The following SBF2 variants were observed in gnomAD, a reference collection of about 807,000 sequenced individuals.
SBF2 encodes SET binding factor 2.
A neutral mutation model predicts 225.2 loss-of-function variants in SBF2; 112 were observed. That is an observed-to-expected ratio of 0.50 (90% CI 0.43 to 0.58). The LOEUF (loss-of-function observed/expected upper bound fraction) is 0.58, where lower values mean the gene tolerates loss of function less well. Among genes scored for constraint, SBF2 ranks in the 20% least tolerant of loss-of-function variants. The pLI, the probability that SBF2 is intolerant of heterozygous loss-of-function variation, is 0.00. For missense variants in SBF2, 1,996 were observed against 2,206.2 expected (o/e 0.90, Z 1.91); for synonymous variants, 763 against 773.3 (o/e 0.99, Z 0.22).
At chr11:9,942,891 A>AAC (rs1554962733) in intron 16 of SBF2, among the ~76,000 whole-genome samples, 1 of 65,432 alleles carries the variant, frequency 1.5e-5, no homozygotes, top group African/African-American at 4.5e-5. Context: ...AAAGAAAAGA[A>AAC]AGAGAGAGAG....
At chr11:10,174,124 A>G (rs200888398) in intron 2 of SBF2, among the ~76,000 whole-genome samples, 41,542 of 150,896 alleles carry the variant, frequency 0.28, 5,937 homozygotes, top group Middle Eastern at 0.35. Flanking sequence ...CCAAAGCAAC[A>G]CAGTTCCTCA....
At chr11:10,230,828 C>G (rs1958809122) in intron 1 of SBF2, among the ~76,000 whole-genome samples, 1 of 152,100 alleles carries the variant, frequency 6.6e-6, no homozygotes, top group African/African-American at 2.4e-5. Flanking sequence ...GTGGCGTTCT[C>G]TGTATTTCCT....
intron 2 of SBF2, among the ~76,000 whole-genome samples, chr11:10,174,608 C>A (rs1956371240): frequency 6.6e-6 from 1 of 152,130 alleles, no homozygotes; most frequent in Non-Finnish European, 1.5e-5. Context: ...TCCAGGAGAA[C>A]TTCCCCAATG....
At chr11:9,913,866 T>C (rs539325881) in intron 16 of SBF2, among the ~76,000 whole-genome samples, 10 of 152,290 alleles carry the variant, frequency 6.6e-5, no homozygotes, top group Admixed American at 3.9e-4. Context: ...TTGGTTGTTG[T>C]TGTTGCTGTT....
intron 9 of SBF2, among the ~76,000 whole-genome samples, chr11:9,995,505 C>G (rs553391357): frequency 6.6e-6 from 1 of 152,258 alleles, no homozygotes; most frequent in South Asian, 2.1e-4. Flanking sequence ...AGTTTAAGTA[C>G]AGTGTTGCCA....
At chr11:9,941,865 CATAGA>C (rs1865271222) in intron 16 of SBF2, among the ~76,000 whole-genome samples, 1 of 151,826 alleles carries the variant, frequency 6.6e-6, no homozygotes. Context: ...TGATTGCCAA[CATAGA>C]AAACAGAAAA....
At chr11:10,189,086 T>C (rs372126609) in intron 2 of SBF2, among the ~76,000 whole-genome samples, 1 of 152,216 alleles carries the variant, frequency 6.6e-6, no homozygotes, top group African/African-American at 2.4e-5. Context: ...CTACAGTATC[T>C]ACCATACATA....
At chr11:10,055,411 G>C (rs1950216714) in intron 2 of SBF2, among the ~76,000 whole-genome samples, 2 of 151,914 alleles carry the variant, frequency 1.3e-5, no homozygotes, top group South Asian at 2.1e-4. Context: ...AAAGAATTCA[G>C]TATATGAAAA....
intron 33 of SBF2, among the ~76,000 whole-genome samples, chr11:9,793,422 C>G (rs1852886058): frequency 6.6e-6 from 1 of 152,078 alleles, no homozygotes; most frequent in South Asian, 2.1e-4. Context: ...CAGGGTCTCA[C>G]TCTGTCACCC....
intron 2 of SBF2, among the ~76,000 whole-genome samples, chr11:10,104,055 C>T (rs560198082): frequency 6.6e-6 from 1 of 151,364 alleles, no homozygotes; most frequent in East Asian, 1.9e-4. Flanking sequence ...TGTACTCCAT[C>T]CATCTGGGGC....
chr11:10,266,183 A>G (rs1343556974), intron 1 of SBF2, among the ~76,000 whole-genome samples: 1 of 152,232 alleles, frequency 6.6e-6, no homozygotes, highest in Non-Finnish European at 1.5e-5. Context: ...ATTTGTCCAC[A>G]GCCACATTCC....
chr11:9,872,307 G>A, intron 17 of SBF2, among the ~76,000 whole-genome samples: 1 of 152,114 alleles, frequency 6.6e-6, no homozygotes, highest in East Asian at 1.9e-4. Flanking sequence ...AACACACACT[G>A]GGGCCTGTCA....
chr11:10,204,885 T>C (rs1316339055), intron 1 of SBF2, among the ~76,000 whole-genome samples: 1 of 151,124 alleles, frequency 6.6e-6, no homozygotes, highest in African/African-American at 2.5e-5. Context: ...TAGGGTTTCT[T>C]TGGGGTGATG....
At chr11:10,287,447 A>AT (rs568852817) in intron 1 of SBF2, among the ~76,000 whole-genome samples, 34 of 147,752 alleles carry the variant, frequency 2.3e-4, no homozygotes, top group Middle Eastern at 3.6e-3. Context: ...ACGCCAGGCT[A>AT]TTTTTTTTTT....
At position 10,159,105 on chromosome 11, in the gene SBF2, A is replaced by C. The variant is rs76460302; in HGVS notation, c.141+34797T>G. Reference sequence around the variant, plus strand: ...ATCAGAGACAAGCAATTATGAAACCACCTTTGCAAAATTATGACTGAGACA... The same window carrying C: ...ATCAGAGACAAGCAATTATGAAACCCCCTTTGCAAAATTATGACTGAGACA... On this transcript the variant is annotated intron_variant, in intron 2 of 39. Transcript: ENST00000256190. Among the ~76,000 whole-genome samples the C allele has an allele frequency of 2.0e-5, 3 of 152,100 alleles. 1 individual carries two copies. The South Asian group carries it at 6.2e-4, about 32-fold the overall frequency.
chr11:10,229,405 T>C (rs1958726339), intron 1 of SBF2, among the ~76,000 whole-genome samples: 1 of 152,230 alleles, frequency 6.6e-6, no homozygotes, highest in South Asian at 2.1e-4. Flanking sequence ...ATTGTGATGT[T>C]AGGGTGTCAA....
In SBF2 at chr11:9,808,035, G is replaced by C. The variant is rs2133896561; in HGVS notation, c.4408C>G (p.Pro1470Ala). Residue 1470 changes from proline to alanine, a missense_variant, in exon 32 of 40, where the codon CCA becomes GCA. Coordinates refer to ENST00000256190, the MANE Select transcript of SBF2 (RefSeq NM_030962.4). ...TLNCQGSGFA[P>A]VFLQFLDCVH... ...CAGTCTAAGAACTGTAAGAAGACTG[G>C]AGCAAAACCACTCCCCTGACAGTTG... 3.1e-6 allele frequency: 5 copies of C among 1,614,054 alleles called. No homozygotes were observed. The highest frequency in any genetic ancestry group is 4.2e-6 in the Non-Finnish European group (5 of 1,179,992).
chr11:10,228,514 G>C (rs943181886), intron 1 of SBF2, among the ~76,000 whole-genome samples: 1 of 152,156 alleles, frequency 6.6e-6, no homozygotes, highest in Non-Finnish European at 1.5e-5. Flanking sequence ...CTAATTTATT[G>C]AGAGTTTTTA....
upstream of SBF2, among the ~76,000 whole-genome samples, chr11:10,298,120 G>A (rs997491052): frequency 5.9e-5 from 9 of 152,250 alleles, no homozygotes; most frequent in African/African-American, 2.2e-4. Flanking sequence ...ATGGAATGCG[G>A]TGGCTCACAC....
Sources: gnomAD v4.1 joint callset for allele counts (sites outside exome capture counted in the v4.1 genomes callset) on GRCh38, gnomAD v4.1.1 for gene constraint, MANE v1.5 for transcripts, NCBI Gene and HGNC (gene_info 2026-07-23, HGNC 2026-07-21) for gene names.